RAD54B: variants seen among roughly 807,000 people sequenced by gnomAD.
RAD54B encodes RAD54 homolog B.
Under a neutral mutation model 95.8 loss-of-function variants are expected in RAD54B, and 78 were observed. The ratio of observed to expected loss-of-function variants is 0.81; its 90% CI spans 0.68 to 0.98. The LOEUF is 0.98. Ranked by LOEUF, RAD54B falls within the 50% of genes least tolerant of loss-of-function variation. The pLI is 0.00. For synonymous variants in RAD54B, 328 were observed against 354.9 expected (o/e 0.92, Z 0.85); for missense variants, 957 against 1,056.6 (o/e 0.91, Z 1.31).
chr8:94,372,223 C>T lies in RAD54B; in HGVS notation c.2680G>A (p.Glu894Lys), dbSNP rs768703754. 1.2e-6 allele frequency: 2 copies of T among 1,611,910 alleles called. No individual in the cohort carries two copies. The highest frequency in any genetic ancestry group is 2.7e-5 in the African/African-American group (2 of 74,742). Reference sequence around the variant, plus strand: ...TTCTGAAAAATGAATGACACATTTTCTGTTATTCTTTCAAGAAAAGGATCT... The same window carrying T: ...TTCTGAAAAATGAATGACACATTTTTTGTTATTCTTTCAAGAAAAGGATCT... ...LTDPFLERIT[E>K]NVSFIFQNIT... Residue 894 changes from glutamate to lysine, a missense_variant, in exon 15 of 15, where the codon GAA (glutamate) becomes AAA (lysine). Coordinates refer to ENST00000336148, the MANE Select transcript of RAD54B (RefSeq NM_012415.3).
rs553434891 is a variant in RAD54B at position 94,430,500 on chromosome 8, G to A, written c.305-19185C>T. Reference sequence around the variant, plus strand: ...TCAAACTTTAGCATGCATCAGAATCGCTAAAGGGTTTATTAAAAGAGATTG... The same window carrying A: ...TCAAACTTTAGCATGCATCAGAATCACTAAAGGGTTTATTAAAAGAGATTG... On this transcript the variant is annotated intron_variant, in intron 3 of 14. Transcript: ENST00000336148. 3.3e-5 allele frequency: 31 copies of A among 935,416 alleles called. No individual in the cohort carries two copies. In the Admixed American group the frequency reaches 1.7e-3, roughly 50 times the overall value. 57.9% of individuals were successfully genotyped at this position (935,416 alleles called of 1,614,324 possible).
Position 94,380,283 on chromosome 8 carries a change from A to G in RAD54B, c.2109T>C (p.Val703=). 1 of 1,614,150 alleles carries G rather than the reference A, an allele frequency of 6.2e-7. No individual in the cohort carries two copies. Among genetic ancestry groups the G allele is most frequent in the Non-Finnish European group, 8.5e-7 (1 of 1,180,002 alleles). ...AAGAGTGTTGACTGTTAAAGCCATC[A>G]ACAATCTGCTGCCTTTGAGAGATTG... ...QTPISQRQQI[V]DGFNSQHSSF... The change falls in exon 12 of 15, where the codon GTT becomes GTC. Residue 703 remains valine (V), a synonymous_variant. Transcript: ENST00000336148.
intron 11 of RAD54B, among the ~76,000 whole-genome samples, chr8:94,385,365 G>GT (rs1398046540): frequency 7.3e-4 from 106 of 145,472 alleles, no homozygotes; most frequent in African/African-American, 2.8e-3. Flanking sequence ...AAAAAGTCCA[G>GT]TTAAAAAAAA....
chr8:94,439,770 T>C (rs371891086), intron 3 of RAD54B, among the ~76,000 whole-genome samples: 7 of 152,158 alleles, frequency 4.6e-5, no homozygotes, highest in Middle Eastern at 3.2e-3. Context: ...CTGGGATCAA[T>C]AGAAAGGAAA....
At chr8:94,395,131 C>A (rs1181212481) in intron 8 of RAD54B, among the ~76,000 whole-genome samples, 1 of 152,114 alleles carries the variant, frequency 6.6e-6, no homozygotes, top group African/African-American at 2.4e-5. Context: ...TTCAGACATT[C>A]ATCAAACCCC....
rs939807925 is a variant in RAD54B, at chr8:94,467,684, G to T, written c.-16-129C>A. 9 of 892,532 alleles carry T rather than the reference G, an allele frequency of 1.0e-5. No homozygotes were observed. The South Asian group carries it at 2.2e-4, about 22-fold the overall frequency. The allele number at this position is 892,532 out of a possible 1,614,324, so 55.3% of individuals were successfully genotyped here. A position where few individuals can be genotyped will look rare whatever the true frequency, so the allele number is the denominator to read the frequency against. ...CTTATGGGCCTGCCTGGCCCCCCAA[G>T]CATAGAAACAAAAGGAAAATCTTCA... On this transcript the variant is annotated intron_variant, in intron 1 of 14. Coordinates refer to ENST00000336148, the MANE Select transcript of RAD54B (RefSeq NM_012415.3).
chr8:94,432,105 T>C, intron 3 of RAD54B: 2 of 1,506,084 alleles, frequency 1.3e-6, no homozygotes, highest in Non-Finnish European at 1.8e-6. Flanking sequence ...ATCAAAATTA[T>C]CAAATTGCAA....
chr8:94,432,688 A>G (rs1812139685), intron 3 of RAD54B: 1 of 1,424,646 alleles, frequency 7.0e-7, no homozygotes, highest in East Asian at 2.5e-5. Flanking sequence ...TATAATATGT[A>G]AATCAAATGA....
chr8:94,430,713 A>T lies in RAD54B; in HGVS notation c.305-19398T>A, dbSNP rs1812071132. ...CATGTTGTCTGTATAATGTTTTAAAAGCATTTTGTGTTATTTGCAAACATT... is the reference window on the plus strand; with the variant it reads ...CATGTTGTCTGTATAATGTTTTAAATGCATTTTGTGTTATTTGCAAACATT... On this transcript the variant is annotated intron_variant, in intron 3 of 14. Transcript: ENST00000336148. The T allele has an allele frequency of 8.5e-6, 8 of 936,740 alleles. 1 individual carries two copies. The South Asian group carries it at 3.5e-4, about 40-fold the overall frequency. 58.0% of individuals were successfully genotyped at this position (936,740 alleles called of 1,614,324 possible).
intron 9 of RAD54B, among the ~76,000 whole-genome samples, chr8:94,392,177 T>C (rs1471982007): frequency 6.6e-6 from 1 of 152,234 alleles, no homozygotes; most frequent in Non-Finnish European, 1.5e-5. Flanking sequence ...ATAGTCTGTA[T>C]ACAACACGTA....
intron 2 of RAD54B, among the ~76,000 whole-genome samples, chr8:94,461,195 G>A (rs1324999602): frequency 9.6e-6 from 1 of 104,036 alleles, no homozygotes; most frequent in Non-Finnish European, 1.9e-5. Context: ...TTTTTGAGAC[G>A]GAGTTTTGCT....
At chr8:94,430,023 T>C (rs1812047102) in intron 3 of RAD54B, 1 of 985,286 alleles carries the variant, frequency 1.0e-6, no homozygotes, top group South Asian at 4.7e-5. Context: ...TCATTAAAAA[T>C]AGTATTTAGG....
intron 11 of RAD54B, among the ~76,000 whole-genome samples, chr8:94,386,512 G>A (rs2129972004): frequency 6.6e-6 from 1 of 152,114 alleles, no homozygotes; most frequent in Admixed American, 6.6e-5. Flanking sequence ...ATATGTGTTT[G>A]GTATCCAAGA....
chr8:94,467,283 A>G (rs1463558571), intron 2 of RAD54B, 122 bp downstream of exon 2: 2 of 855,394 alleles, frequency 2.3e-6, no homozygotes, highest in Non-Finnish European at 3.4e-6. Context: ...TTTTTAGAAG[A>G]TGTTTTCAGA....
Position 94,433,225 on chromosome 8 carries a change from G to A in RAD54B, c.305-21910C>T, listed in dbSNP as rs1812161702. Among the ~76,000 whole-genome samples the A allele has an allele frequency of 3.3e-5, 5 of 152,092 alleles. No individual in the cohort carries two copies. The South Asian group carries it at 1.0e-3, about 32-fold the overall frequency. On this transcript the variant is annotated intron_variant, in intron 3 of 14. Transcript: ENST00000336148. Reference sequence around the variant, plus strand: ...TTTGGGATATGCTCAACTACTGGAGGTTATCCTAACTTTCTTATTTCAGAT... The same window carrying A: ...TTTGGGATATGCTCAACTACTGGAGATTATCCTAACTTTCTTATTTCAGAT...
At chr8:94,464,118 C>T (rs1245379700) in intron 2 of RAD54B, among the ~76,000 whole-genome samples, 1 of 152,112 alleles carries the variant, frequency 6.6e-6, no homozygotes, top group African/African-American at 2.4e-5. Context: ...AAGATTTCCA[C>T]ACCCTAATCC....
chr8:94,390,959 G>A (rs1335491322), intron 10 of RAD54B, among the ~76,000 whole-genome samples: 1 of 152,068 alleles, frequency 6.6e-6, no homozygotes, highest in Non-Finnish European at 1.5e-5. Context: ...CTTAACATCA[G>A]AAAGCAAAGA....
At chr8:94,408,789 C>T (rs1213803849) in intron 4 of RAD54B, among the ~76,000 whole-genome samples, 5 of 152,122 alleles carry the variant, frequency 3.3e-5, no homozygotes, top group Non-Finnish European at 7.4e-5. Flanking sequence ...TTTATCTTCA[C>T]ATAAAATCCA....
chr8:94,388,951 GA>G (rs1321045061), intron 10 of RAD54B, among the ~76,000 whole-genome samples: 24 of 152,248 alleles, frequency 1.6e-4, no homozygotes, highest in South Asian at 8.3e-4. Context: ...ACCAAATTAA[GA>G]GACTGAATAA....
Sources: allele counts gnomAD v4.1 joint callset (sites outside exome capture counted in the v4.1 genomes callset), GRCh38; gene constraint gnomAD v4.1.1; transcripts MANE v1.5; gene names NCBI Gene and HGNC (gene_info 2026-07-23, HGNC 2026-07-21).